Variants in CTNND2 observed in about 807,000 individuals in gnomAD.
CTNND2 encodes catenin delta-2.
Under a neutral mutation model 144.4 loss-of-function variants are expected in CTNND2, and 22 were observed. The observed-to-expected ratio is 0.15, with a 90% confidence interval of 0.11 to 0.22. The LOEUF (loss-of-function observed/expected upper bound fraction) is 0.22, where lower values mean the gene tolerates loss of function less well. Among genes scored for constraint, CTNND2 ranks in the 10% least tolerant of loss-of-function variants. CTNND2 has a pLI of 1.00. For missense variants in CTNND2, 1,353 were observed against 1,618.8 expected (o/e 0.84, Z 2.82); for synonymous variants, 751 against 695.6 (o/e 1.08, Z -1.25).
At chr5:11,830,433 C>T (rs2126960347) in intron 1 of CTNND2, among the ~76,000 whole-genome samples, 1 of 152,250 alleles carries the variant, frequency 6.6e-6, no homozygotes, top group Middle Eastern at 3.4e-3. Context: ...GTTTTCAGGA[C>T]AGTTAATAAG....
At chr5:11,807,469 T>A (rs1792070000) in intron 1 of CTNND2, among the ~76,000 whole-genome samples, 1 of 152,182 alleles carries the variant, frequency 6.6e-6, no homozygotes, top group Non-Finnish European at 1.5e-5. Flanking sequence ...GCTTTTGCCC[T>A]TAGTGTTCCA....
chr5:11,227,676 G>A (rs2149878304), intron 10 of CTNND2, among the ~76,000 whole-genome samples: 1 of 152,088 alleles, frequency 6.6e-6, no homozygotes, highest in East Asian at 1.9e-4. Context: ...TTCTAAATTT[G>A]TTGGAATAAA....
At chr5:11,837,406 T>A (rs764793494) in intron 1 of CTNND2, among the ~76,000 whole-genome samples, 2 of 152,236 alleles carry the variant, frequency 1.3e-5, no homozygotes, top group Non-Finnish European at 2.9e-5. Context: ...TAAAATGCTC[T>A]GTAAATTGTA....
intron 9 of CTNND2, among the ~76,000 whole-genome samples, chr5:11,322,345 T>C (rs1206273180): frequency 6.6e-6 from 1 of 152,160 alleles, no homozygotes; most frequent in Non-Finnish European, 1.5e-5. Flanking sequence ...CGTATCTTAC[T>C]CATCTTGGTA....
intron 1 of CTNND2, among the ~76,000 whole-genome samples, chr5:11,866,913 C>T (rs557575893): frequency 1.3e-5 from 2 of 152,324 alleles, no homozygotes; most frequent in Admixed American, 6.5e-5. Flanking sequence ...CTCCCTGACA[C>T]CTTATCACGA....
intron 10 of CTNND2, among the ~76,000 whole-genome samples, chr5:11,214,321 T>C (rs1738949751): frequency 6.6e-6 from 1 of 152,256 alleles, no homozygotes; most frequent in African/African-American, 2.4e-5. Flanking sequence ...ACTGATTTTC[T>C]AATTTTGCAT....
In CTNND2 at chr5:10,979,970, A is replaced by G. The variant is rs891459357; in HGVS notation, c.3417+1803T>C. ...GGAATCATAGAAGAAAACCTGGGCA[A>G]TACCATTCAGGATGTAGGCATGGGC... On this transcript the variant is annotated intron_variant, in intron 21 of 21. Transcript: ENST00000304623. Among the ~76,000 whole-genome samples the G allele has an allele frequency of 7.2e-5, 11 of 152,328 alleles. No homozygotes were observed. In the South Asian group the frequency reaches 1.0e-3, roughly 14 times the overall value.
intron 16 of CTNND2, among the ~76,000 whole-genome samples, chr5:11,032,671 T>C (rs560393556): frequency 1.3e-5 from 2 of 152,292 alleles, no homozygotes; most frequent in South Asian, 2.1e-4. Flanking sequence ...ATACATGGAA[T>C]ACTACTTAGC....
At chr5:11,254,808 T>C (rs1363383713) in intron 9 of CTNND2, among the ~76,000 whole-genome samples, 1 of 152,188 alleles carries the variant, frequency 6.6e-6, no homozygotes, top group Non-Finnish European at 1.5e-5. Flanking sequence ...CAACTAAGAA[T>C]TATCTGGCCC....
At chr5:11,325,855 C>A (rs1328771049) in intron 9 of CTNND2, among the ~76,000 whole-genome samples, 1 of 151,918 alleles carries the variant, frequency 6.6e-6, no homozygotes, top group Non-Finnish European at 1.5e-5. Flanking sequence ...ATTCCTTCAA[C>A]ATAGGAGACC....
intron 9 of CTNND2, among the ~76,000 whole-genome samples, chr5:11,278,145 A>T (rs1305803039): frequency 6.6e-6 from 1 of 152,010 alleles, no homozygotes; most frequent in Non-Finnish European, 1.5e-5. Context: ...CCCACCAGCT[A>T]TCTCCATCAA....
At chr5:11,542,854 G>A (rs894925570) in intron 3 of CTNND2, among the ~76,000 whole-genome samples, 3 of 152,202 alleles carry the variant, frequency 2.0e-5, no homozygotes, top group African/African-American at 4.8e-5. Flanking sequence ...GGAAAGGGAG[G>A]CTACACTTTT....
intron 3 of CTNND2, among the ~76,000 whole-genome samples, chr5:11,485,471 C>T (rs1183343004): frequency 6.6e-6 from 1 of 152,030 alleles, no homozygotes; most frequent in Non-Finnish European, 1.5e-5. Context: ...AAATTAATCT[C>T]AAAGAGAACC....
chr5:11,575,491 GTCA>G lies in CTNND2; in HGVS notation c.175-10438_175-10436del, dbSNP rs149588195. Among the ~76,000 whole-genome samples the G allele has an allele frequency of 3.7e-3, 561 of 152,118 alleles. 5 individuals are homozygous for G. The highest frequency in any genetic ancestry group is 0.013 in the African/African-American group (522 of 41,510). ...CCTCTCTCTCCCCTCTACTCTCTGT[GTCA>G]TCATTGTACATCCTTTGTATAACTA... is the stretch of plus-strand genomic sequence containing the variant. On this transcript the variant is annotated intron_variant, in intron 2 of 21. Transcript: ENST00000304623.
chr5:11,815,353 T>C (rs1792564756), intron 1 of CTNND2, among the ~76,000 whole-genome samples: 1 of 152,208 alleles, frequency 6.6e-6, no homozygotes, highest in Admixed American at 6.5e-5. Flanking sequence ...ACTGTCATAA[T>C]TATGCCTACT....
chr5:11,448,313 G>A (rs949788071), intron 3 of CTNND2, among the ~76,000 whole-genome samples: 6 of 151,304 alleles, frequency 4.0e-5, no homozygotes, highest in African/African-American at 1.5e-4. Context: ...ACTTTAAATT[G>A]TTTAAAAATT....
rs756650073 is a variant in CTNND2 at position 11,514,184 on chromosome 5, CAGAAA to C, written c.287+50755_287+50759del. Among the ~76,000 whole-genome samples the C allele has an allele frequency of 6.6e-5, 8 of 122,048 alleles. No homozygotes were observed. The South Asian group carries it at 8.4e-4, about 13-fold the overall frequency. 80.1% of individuals were successfully genotyped at this position (122,048 alleles called of 152,430 possible). ...TGGACAACACAGCAAGACCCTGTCT[CAGAAA>C]AGAAAAGAAAAAGAAAAAAAAAATG... On this transcript the variant is annotated intron_variant, in intron 3 of 21. Coordinates refer to ENST00000304623, the MANE Select transcript of CTNND2 (RefSeq NM_001332.4).
chr5:11,496,162 T>C (rs867945169), intron 3 of CTNND2, among the ~76,000 whole-genome samples: 2 of 152,216 alleles, frequency 1.3e-5, no homozygotes, highest in African/African-American at 4.8e-5. Context: ...ATGAATACTC[T>C]GCCAAGGGTA....
chr5:11,166,440 G>A (rs529917490), intron 11 of CTNND2, among the ~76,000 whole-genome samples: 102 of 151,564 alleles, frequency 6.7e-4, no homozygotes, highest in African/African-American at 2.3e-3. Context: ...TAGTAGAGAC[G>A]GGGTTTCACC....
Sources: allele counts gnomAD v4.1 joint callset (sites outside exome capture counted in the v4.1 genomes callset), GRCh38; gene constraint gnomAD v4.1.1; transcripts MANE v1.5; gene names NCBI Gene and HGNC (gene_info 2026-07-23, HGNC 2026-07-21).